Variants in CLN8 observed in about 807,000 individuals in gnomAD.
CLN8 encodes protein CLN8.
In CLN8, 14 loss-of-function variants were observed where a neutral mutation model predicts 15.7. The observed-to-expected ratio is 0.89, with a 90% CI of 0.59 to 1.39. The LOEUF is 1.39. Among genes scored for constraint, CLN8 ranks in the 40% most tolerant of loss-of-function variants. CLN8 has a pLI of 0.00. For missense variants in CLN8, 415 were observed against 364.0 expected (o/e 1.14, Z -1.14); for synonymous variants, 188 against 151.0 (o/e 1.25, Z -1.80).
At chr8:1,754,406 A>G (rs6558526), upstream of CLN8, among the ~76,000 whole-genome samples, 111,293 of 152,148 alleles carry the variant, frequency 0.73, 41,022 homozygotes, top group South Asian at 0.78. Flanking sequence ...GTAAAAATGA[A>G]GTTTCCCTCT....
At chr8:1,775,516 A>G (rs1045882865) in intron 2 of CLN8, among the ~76,000 whole-genome samples, 1 of 152,256 alleles carries the variant, frequency 6.6e-6, no homozygotes, top group Admixed American at 6.5e-5. Context: ...GTAAAACCAA[A>G]GAACTCTTCG....
At chr8:1,758,230 T>C (rs1013804505) in intron 1 of CLN8, 1 of 152,238 alleles carries the variant, frequency 6.6e-6, no homozygotes, top group Non-Finnish European at 1.5e-5. Context: ...AATGAGTTCT[T>C]TTTCTCTTTA....
At chr8:1,770,144 C>A (rs1429191314) in intron 1 of CLN8, among the ~76,000 whole-genome samples, 1 of 152,148 alleles carries the variant, frequency 6.6e-6, no homozygotes, top group African/African-American at 2.4e-5. Context: ...AGGTACTTAA[C>A]CCAGTCCATG....
chr8:1,767,279 A>C (rs1244635187), intron 1 of CLN8, among the ~76,000 whole-genome samples: 1 of 152,224 alleles, frequency 6.6e-6, no homozygotes, highest in African/African-American at 2.4e-5. Context: ...TGGAAGGGGA[A>C]GTAAGCATTC....
chr8:1,766,832 A>G (rs568789257), intron 1 of CLN8, among the ~76,000 whole-genome samples: 4 of 152,378 alleles, frequency 2.6e-5, no homozygotes, highest in African/African-American at 9.6e-5. Context: ...TTGCGTATCA[A>G]GAGTGAGAGG....
chr8:1,776,249 A>G (rs1433625114), intron 2 of CLN8, among the ~76,000 whole-genome samples: 1 of 152,142 alleles, frequency 6.6e-6, no homozygotes, highest in Non-Finnish European at 1.5e-5. Flanking sequence ...AAGGTTCTGG[A>G]AGCTGGAATC....
At chr8:1,766,207 T>A (rs750572550) in intron 1 of CLN8, among the ~76,000 whole-genome samples, 1 of 152,154 alleles carries the variant, frequency 6.6e-6, no homozygotes, top group African/African-American at 2.4e-5. Flanking sequence ...GCTTTTTGTA[T>A]ACATTTTCTC....
chr8:1,779,459 G>T, intron 2 of CLN8, among the ~76,000 whole-genome samples: 1 of 152,156 alleles, frequency 6.6e-6, no homozygotes, highest in East Asian at 1.9e-4. Context: ...TGGCCAGGCT[G>T]GTCTCAAACT....
intron 1 of CLN8, among the ~76,000 whole-genome samples, chr8:1,756,690 T>C (rs975044989): frequency 6.6e-6 from 1 of 150,800 alleles, no homozygotes; most frequent in African/African-American, 2.4e-5. Context: ...CTTTTTTTTT[T>C]TTTTTTTTTG....
intron 1 of CLN8, chr8:1,758,175 A>G (rs1426402445): frequency 6.6e-6 from 1 of 152,262 alleles, no homozygotes; most frequent in Non-Finnish European, 1.5e-5. Flanking sequence ...GGAAAAAGAA[A>G]TGGACACAGT....
At chr8:1,760,847 ATGTGCCATCTT>A (rs1419606090), upstream of CLN8, among the ~76,000 whole-genome samples, 2 of 152,102 alleles carry the variant, frequency 1.3e-5, no homozygotes, top group Non-Finnish European at 2.9e-5. Flanking sequence ...AGGAAGAAGA[ATGTGCCATCTT>A]TGTTTCAAAG....
chr8:1,770,132 A>G (rs1759184415), intron 1 of CLN8, among the ~76,000 whole-genome samples: 1 of 152,198 alleles, frequency 6.6e-6, no homozygotes, highest in Non-Finnish European at 1.5e-5. Flanking sequence ...AGCTTGTAGC[A>G]AAGGTACTTA....
chr8:1,768,616 T>C (rs904172110), intron 1 of CLN8, among the ~76,000 whole-genome samples: 14 of 152,144 alleles, frequency 9.2e-5, no homozygotes, highest in Admixed American at 2.0e-4. Flanking sequence ...CCTTTAACAG[T>C]GTTGTTCACG....
At chr8:1,759,235 C>T (rs1800737665), upstream of CLN8, 1 of 152,274 alleles carries the variant, frequency 6.6e-6, no homozygotes, top group Non-Finnish European at 1.5e-5. Flanking sequence ...CTAAGGTTTA[C>T]TTTGGAAAGC....
upstream of CLN8, chr8:1,760,245 A>G (rs1800761316): frequency 6.6e-6 from 1 of 152,138 alleles, no homozygotes. Flanking sequence ...GTTTGAAAGA[A>G]CCAGTTTATC....
At chr8:1,767,848 G>T (rs1801130129) in intron 1 of CLN8, among the ~76,000 whole-genome samples, 1 of 152,026 alleles carries the variant, frequency 6.6e-6, no homozygotes, top group Non-Finnish European at 1.5e-5. Context: ...TGGGATTACA[G>T]GCGTGCGCCA....
upstream of CLN8, among the ~76,000 whole-genome samples, chr8:1,761,646 G>A (rs1040909594): frequency 1.3e-5 from 2 of 152,164 alleles, no homozygotes; most frequent in African/African-American, 4.8e-5. Context: ...AGTTTTTAAG[G>A]ATAATTTGGT....
At position 1,780,921 on chromosome 8, in the gene CLN8, G is replaced by A. The variant is rs1384924071; in HGVS notation, c.*354G>A. On this transcript the variant is annotated 3_prime_UTR_variant, in exon 3 of 3. Transcript: ENST00000331222. ...CATAGTGAAGTGCCTCCCACAGGGC[G>A]GGTGGGTCAGCGTTGACTCTTTCCA... 4 of 369,302 alleles carry A rather than the reference G, an allele frequency of 1.1e-5. No homozygotes were observed. The highest frequency in any genetic ancestry group is 4.3e-5 in the Admixed American group (1 of 23,210). The allele number at this position is 369,302 out of a possible 1,614,324, so 22.9% of individuals were successfully genotyped here. A position where few individuals can be genotyped will look rare whatever the true frequency, so the allele number is the denominator to read the frequency against.
At chr8:1,770,900 A>G in intron 1 of CLN8, 32 bp from the exon 2 acceptor site, 1 of 701,498 alleles carries the variant, frequency 1.4e-6, no homozygotes, top group Admixed American at 2.2e-5. Context: ...GTTTCTATCG[A>G]GTCAACACAA....
Sources: gnomAD v4.1 joint callset for allele counts (sites outside exome capture counted in the v4.1 genomes callset) on GRCh38, gnomAD v4.1.1 for gene constraint, MANE v1.5 for transcripts, NCBI Gene and HGNC (gene_info 2026-07-23, HGNC 2026-07-21) for gene names.